CALN1: variants seen among roughly 807,000 people sequenced by gnomAD.
The protein encoded by CALN1 is calcium-binding protein 8.
Under a neutral mutation model 30.6 loss-of-function variants are expected in CALN1, and 17 were observed. The ratio of observed to expected loss-of-function variants is 0.56; its 90% CI spans 0.38 to 0.83. The LOEUF is 0.83. Ranked by LOEUF, CALN1 falls within the 40% of genes least tolerant of loss-of-function variation. The pLI, the probability that CALN1 is intolerant of heterozygous loss-of-function variation, is 0.00. For missense variants in CALN1, 291 were observed against 354.9 expected (o/e 0.82, Z 1.45); for synonymous variants, 156 against 131.4 (o/e 1.19, Z -1.28).
In CALN1 at chr7:72,028,834, T is replaced by C. The variant is rs180792779; in HGVS notation, c.389-5065A>G. On this transcript the variant is annotated intron_variant, in intron 4 of 6. Coordinates refer to ENST00000395275, the MANE Select transcript of CALN1 (RefSeq NM_031468.4). ...GGTGAAACCCTATGTCTACCAAAAA[T>C]ACAAAAATTAGCTGGGTGTGGTGGT... 2.9e-4 allele frequency among the ~76,000 whole-genome samples: 44 copies of C among 152,132 alleles called. No homozygotes were observed. In the East Asian group the frequency reaches 3.9e-3, roughly 13 times the overall value.
intron 1 of CALN1, among the ~76,000 whole-genome samples, chr7:72,417,868 A>G (rs1807471073): frequency 6.6e-6 from 1 of 152,130 alleles, no homozygotes; most frequent in Admixed American, 6.5e-5. Context: ...CCATGCAGGG[A>G]ATCACTGGGT....
At chr7:72,238,521 T>C (rs1017345275) in intron 3 of CALN1, among the ~76,000 whole-genome samples, 27 of 152,214 alleles carry the variant, frequency 1.8e-4, no homozygotes, top group Admixed American at 5.9e-4. Context: ...GGTTTGACTG[T>C]GTCCCCACCC....
chr7:72,479,478 T>G, the CALN1 span, among the ~76,000 whole-genome samples: 2 of 152,092 alleles, frequency 1.3e-5, no homozygotes, highest in Non-Finnish European at 2.9e-5. Flanking sequence ...GTCACAAAGG[T>G]TTTCTCTTAT....
intron 3 of CALN1, among the ~76,000 whole-genome samples, chr7:72,186,529 T>C (rs1790201895): frequency 6.6e-6 from 1 of 152,138 alleles, no homozygotes; most frequent in African/African-American, 2.4e-5. Context: ...ACACAAGCAG[T>C]GAACACAGGG....
chr7:72,371,372 G>T (rs118153578), intron 2 of CALN1, among the ~76,000 whole-genome samples: 2,146 of 152,250 alleles, frequency 0.014, 20 homozygotes, highest in African/African-American at 0.025. Flanking sequence ...AACATGTTGT[G>T]GAAGAGACCA....
chr7:72,314,364 TACATATATACACATATATAC>T (rs139136834), intron 2 of CALN1, among the ~76,000 whole-genome samples: 49,674 of 116,570 alleles, frequency 0.43, 10,289 homozygotes, highest in Middle Eastern at 0.57. Context: ...TATATACATA[TACATATATACACATATATAC>T]ACATATATAT....
chr7:72,384,878 G>A (rs1282612844), intron 2 of CALN1, among the ~76,000 whole-genome samples: 1 of 151,954 alleles, frequency 6.6e-6, no homozygotes, highest in East Asian at 1.9e-4. Context: ...CCACAAATTG[G>A]GAGAAAAATA....
rs115037093 is a variant in CALN1, at chr7:72,376,016, C to G, written c.119+27235G>C. Among the ~76,000 whole-genome samples, 1,237 of 152,276 alleles carry G rather than the reference C, an allele frequency of 8.1e-3. 14 individuals are homozygous for G. Among genetic ancestry groups the G allele is most frequent in the African/African-American group, 0.028 (1,163 of 41,554 alleles). On this transcript the variant is annotated intron_variant, in intron 2 of 6. Transcript: ENST00000395275. Reference sequence around the variant, plus strand: ...TTAGAATCATACCATATACAGCCTTCTGTGTCCAGTTTCTTTGCCTAGCAT... The same window carrying G: ...TTAGAATCATACCATATACAGCCTTGTGTGTCCAGTTTCTTTGCCTAGCAT...
At chr7:71,818,716 ATTTATTT>A (rs1160877185) in intron 5 of CALN1, among the ~76,000 whole-genome samples, 2 of 138,036 alleles carry the variant, frequency 1.4e-5, no homozygotes, top group African/African-American at 5.8e-5. Flanking sequence ...TTATTTATTT[ATTTATTT>A]TTTTGAGCTG....
At chr7:72,073,988 C>A (rs1239254988) in intron 4 of CALN1, among the ~76,000 whole-genome samples, 2 of 152,152 alleles carry the variant, frequency 1.3e-5, no homozygotes, top group African/African-American at 2.4e-5. Flanking sequence ...AGCCACCATG[C>A]CTGGCCTGGT....
chr7:71,992,494 C>T (rs1424470276), intron 5 of CALN1, among the ~76,000 whole-genome samples: 1 of 152,132 alleles, frequency 6.6e-6, no homozygotes, highest in Admixed American at 6.6e-5. Context: ...GTAGCTGGGA[C>T]TACAGGTGCA....
chr7:72,289,931 A>G, intron 2 of CALN1, among the ~76,000 whole-genome samples: 1 of 151,786 alleles, frequency 6.6e-6, no homozygotes, highest in Non-Finnish European at 1.5e-5. Context: ...TAAAACAATT[A>G]GCCGGGCATA....
intron 3 of CALN1, among the ~76,000 whole-genome samples, chr7:72,149,377 A>G (rs1237320815): frequency 6.6e-6 from 1 of 152,060 alleles, no homozygotes; most frequent in East Asian, 1.9e-4. Flanking sequence ...CTGAGGCAGG[A>G]GTATCATTTG....
rs190199404 is a variant in CALN1 at position 72,094,968 on chromosome 7, T to C, written c.388+11183A>G. On this transcript the variant is annotated intron_variant, in intron 4 of 6. Transcript: ENST00000395275. ...GGAAGCCAAAACATTCACATATAGG[T>C]TTGAAATACCAAGGTATTTATGACT... Among the ~76,000 whole-genome samples, 475 of 152,274 alleles carry C rather than the reference T, an allele frequency of 3.1e-3. 1 individual carries two copies. The highest frequency in any genetic ancestry group is 5.5e-3 in the Non-Finnish European group (375 of 68,014).
intron 5 of CALN1, among the ~76,000 whole-genome samples, chr7:72,011,225 C>CAAAAA (rs201590274): frequency 7.4e-5 from 11 of 149,138 alleles, no homozygotes; most frequent in African/African-American, 2.7e-4. Context: ...TAGGAAAAAA[C>CAAAAA]AAAAAAAAAC....
At position 72,273,518 on chromosome 7, in the gene CALN1, TTTC is replaced by T. The variant is rs1341312316; in HGVS notation, c.244+5165_244+5167del. On this transcript the variant is annotated intron_variant, in intron 3 of 6. Coordinates refer to ENST00000395275, the MANE Select transcript of CALN1 (RefSeq NM_031468.4). ...GCAAGATTCTTTTTTTTTTTTTTTT[TTTC>T]TTCCCCCTAGAGACAGGGTCTTTCT... Among the ~76,000 whole-genome samples, 16 of 95,052 alleles carry T rather than the reference TTTC, an allele frequency of 1.7e-4. No individual in the cohort carries two copies. The East Asian group carries it at 5.9e-3, about 35-fold the overall frequency. The allele number at this position is 95,052 out of a possible 152,430, so 62.4% of individuals were successfully genotyped here.
intron 2 of CALN1, among the ~76,000 whole-genome samples, chr7:72,333,295 A>G (rs1004777393): frequency 6.6e-6 from 1 of 152,244 alleles, no homozygotes; most frequent in African/African-American, 2.4e-5. Flanking sequence ...TTTTTTGATG[A>G]CAGGCACTGT....
At chr7:72,411,380 A>C (rs1285196491) in intron 1 of CALN1, among the ~76,000 whole-genome samples, 1 of 152,238 alleles carries the variant, frequency 6.6e-6, no homozygotes, top group Admixed American at 6.5e-5. Flanking sequence ...TTCATGTAAC[A>C]TCATTAGGAA....
At chr7:71,892,956 T>C (rs1281906315) in intron 5 of CALN1, among the ~76,000 whole-genome samples, 1 of 152,174 alleles carries the variant, frequency 6.6e-6, no homozygotes, top group Non-Finnish European at 1.5e-5. Flanking sequence ...AAAATGATCA[T>C]TGAGGTGTGA....
Sources: gnomAD v4.1 joint callset for allele counts (sites outside exome capture counted in the v4.1 genomes callset) on GRCh38, gnomAD v4.1.1 for gene constraint, MANE v1.5 for transcripts, NCBI Gene and HGNC (gene_info 2026-07-23, HGNC 2026-07-21) for gene names.